The following NLRC3 variants were observed in gnomAD, a reference collection of about 807,000 sequenced individuals.
NLRC3 encodes the protein NLR family CARD domain containing 3, also known as NLR family CARD domain-containing protein 3.
NLRC3 carries 87 observed loss-of-function variants against 91.6 expected under a neutral mutation model. The ratio of observed to expected loss-of-function variants is 0.95; its 90% CI spans 0.80 to 1.14. The LOEUF is 1.14. NLRC3 is among the 50% of genes most tolerant of loss of function. The pLI is 0.00. For synonymous variants in NLRC3, 694 were observed against 625.3 expected, an observed-to-expected ratio of 1.11 and a Z score of -1.64; for missense variants, 1,577 against 1,418.6, an observed-to-expected ratio of 1.11 and a Z score of -1.79.
intron 18 of NLRC3, 59 bp from the exon 19 acceptor site, chr16:3,542,333 G>T: frequency 9.3e-7 from 1 of 1,070,872 alleles, no homozygotes. Context: ...GAAAACACCC[G>T]GGGAAGCAAC....
rs1414980981 is a variant in NLRC3, at chr16:3,540,616, A to G, written c.*1209T>C. 1 of 152,156 alleles carries G rather than the reference A, an allele frequency of 6.6e-6. No homozygotes were observed. Among genetic ancestry groups the G allele is most frequent in the African/African-American group, 2.4e-5 (1 of 41,406 alleles). 9.4% of individuals were successfully genotyped at this position (152,156 alleles called of 1,614,324 possible). A position where few individuals can be genotyped will look rare whatever the true frequency, so the allele number is the denominator to read the frequency against. The stretch of plus-strand genomic sequence containing the variant: ...TCAGGAGTTAAAGACCAGCCTGATC[A>G]ACATGGTGAAACCCCATCTCTACTA... On this transcript the variant is annotated 3_prime_UTR_variant, in exon 20 of 20. Coordinates refer to ENST00000359128, the MANE Select transcript of NLRC3 (RefSeq NM_178844.4).
At position 3,544,333 on chromosome 16, in the gene NLRC3, GAC is replaced by G. The variant is rs574508264; in HGVS notation, c.2772-6_2772-5del. On this transcript the variant is annotated splice_polypyrimidine_tract_variant and splice_region_variant and intron_variant, in intron 15 of 19. Coordinates refer to ENST00000359128, the MANE Select transcript of NLRC3 (RefSeq NM_178844.4). Reference sequence around the variant, plus strand: ...CCCGATGGCGTTCTCCTGTAAACTAGACACAGAGTATGACCCCTTTGGGTGCA... The same window carrying G: ...CCCGATGGCGTTCTCCTGTAAACTAGACAGAGTATGACCCCTTTGGGTGCA... The G allele has an allele frequency of 5.8e-4, 928 of 1,609,664 alleles. 6 individuals carry two copies. The African/African-American group carries it at 0.011, about 19-fold the overall frequency.
rs1567147375 is a variant in NLRC3 at position 3,564,348 on chromosome 16, C to G, written c.589G>C (p.Val197Leu). 6.2e-7 allele frequency: 1 copy of G among 1,612,076 alleles called. No homozygotes were observed. Among genetic ancestry groups the G allele is most frequent in the Non-Finnish European group, 8.5e-7 (1 of 1,179,734 alleles). ...CTGGGCTCCCCGACGTGCGGGAAGA[C>G]CGAGCAGATGAGTCGGTCGGCACAC... ...KLCADRLICS[V>L]FPHVGEPSLA... Residue 197 changes from valine to leucine, a missense_variant, in exon 5 of 20, where the codon GTC (valine) becomes CTC (leucine). Physicochemically the swap from Val to Leu is conservative, Grantham distance 32. Transcript: ENST00000359128. This position sits in a 1 kb window ranked among gnomAD's most constrained non-coding sequence, Gnocchi z 5.9.
chr16:3,577,290 G>A lies in NLRC3; in HGVS notation c.-310C>T, dbSNP rs2040343371. 8 of 685,200 alleles carry A rather than the reference G, an allele frequency of 1.2e-5. No homozygotes were observed. The highest frequency in any genetic ancestry group is 1.9e-5 in the Non-Finnish European group (7 of 375,406). 42.4% of individuals were successfully genotyped at this position (685,200 alleles called of 1,614,324 possible). Reference sequence around the variant, plus strand: ...TCCCTGTGCCAGCCTGAGTTCTCAGGACCAGGGATCAGGGCACTTACCACG... The same window carrying A: ...TCCCTGTGCCAGCCTGAGTTCTCAGAACCAGGGATCAGGGCACTTACCACG... On this transcript the variant is annotated 5_prime_UTR_variant, in exon 1 of 20. Transcript: ENST00000359128.
At chr16:3,556,567 C>T (rs1056326811) in intron 8 of NLRC3, among the ~76,000 whole-genome samples, 4 of 151,762 alleles carry the variant, frequency 2.6e-5, no homozygotes, top group East Asian at 1.9e-4. Context: ...TGTAGTGGCG[C>T]GATCTCAACT....
In NLRC3 at chr16:3,564,227, G is replaced by C; in HGVS notation, c.710C>G (p.Thr237Arg). 6.2e-7 allele frequency: 1 copy of C among 1,613,140 alleles called. No individual in the cohort carries two copies. The highest frequency in any genetic ancestry group is 8.5e-7 in the Non-Finnish European group (1 of 1,179,842). ...PLDFSNTVACTDPKKEIPVDH... is the reference protein window; with the variant it reads ...PLDFSNTVACRDPKKEIPVDH... ...CACCGGGATCTCCTTCTTTGGGTCC[G>C]TGCAGGCCACGGTGTTGGAGAAGTC... Residue 237 changes from threonine (T) to arginine (R), a missense_variant, in exon 5 of 20, where the codon ACG becomes AGG. Coordinates refer to ENST00000359128, the MANE Select transcript of NLRC3 (RefSeq NM_178844.4). The surrounding 1 kb of genome is among the most constrained non-coding windows in gnomAD (Gnocchi z 5.9).
At position 3,539,098 on chromosome 16, in the gene NLRC3, G is replaced by T. The variant is rs2038299891; in HGVS notation, c.*2727C>A. 1 of 152,208 alleles carries T rather than the reference G, an allele frequency of 6.6e-6. No individual in the cohort carries two copies. The highest frequency in any genetic ancestry group is 2.4e-5 in the African/African-American group (1 of 41,444). The allele number at this position is 152,208 out of a possible 1,614,324, so 9.4% of individuals were successfully genotyped here. ...AACAAAGTCCTCGGACTTCTGATGG[G>T]AAATCTGAACTGCTGTTTCTCTTTT... On this transcript the variant is annotated 3_prime_UTR_variant, in exon 20 of 20. Coordinates refer to ENST00000359128, the MANE Select transcript of NLRC3 (RefSeq NM_178844.4).
intron 17 of NLRC3, 53 bp from the exon 18 acceptor site, chr16:3,542,828 C>T: frequency 7.9e-7 from 1 of 1,260,532 alleles, no homozygotes; most frequent in Non-Finnish European, 1.1e-6. Flanking sequence ...AGAGGTGATA[C>T]TGACCCCTCT....
chr16:3,550,722 G>A (rs897576899), intron 10 of NLRC3, among the ~76,000 whole-genome samples: 1 of 152,152 alleles, frequency 6.6e-6, no homozygotes, highest in Non-Finnish European at 1.5e-5. Context: ...TGACTCCCTG[G>A]CAAGAAGGGT....
At chr16:3,576,467 G>A (rs1198586401) in intron 1 of NLRC3, among the ~76,000 whole-genome samples, 1 of 152,152 alleles carries the variant, frequency 6.6e-6, no homozygotes, top group Non-Finnish European at 1.5e-5. Flanking sequence ...CCCATGGGGG[G>A]TCCCAGTGCC....
chr16:3,565,529 T>C (rs2039843803), intron 2 of NLRC3, 149 bp from the exon 3 acceptor site: 1 of 321,586 alleles, frequency 3.1e-6, no homozygotes, highest in Non-Finnish European at 5.9e-6. Context: ...GACGCTACAC[T>C]GTGTGATTCT....
chr16:3,569,386 ATATATATATTATTT>A (rs2040006900), intron 1 of NLRC3, among the ~76,000 whole-genome samples: 1 of 105,368 alleles, frequency 9.5e-6, no homozygotes, highest in Admixed American at 1.1e-4. Flanking sequence ...ATATATATAT[ATATATATATTATTT>A]TTTTTTTTTT....
At chr16:3,551,421 C>G (rs1596452850) in intron 10 of NLRC3, among the ~76,000 whole-genome samples, 1 of 151,304 alleles carries the variant, frequency 6.6e-6, no homozygotes, top group African/African-American at 2.4e-5. Flanking sequence ...CATCTATTCA[C>G]CCATTCAACC....
At position 3,564,092 on chromosome 16, in the gene NLRC3, C is replaced by T. The variant is rs201734632; in HGVS notation, c.845G>A (p.Arg282Gln). The T allele has an allele frequency of 1.5e-4, 248 of 1,613,562 alleles. No homozygotes were observed. The Middle Eastern group carries it at 2.0e-3, about 13-fold the overall frequency. Residue 282 changes from arginine to glutamine, a missense_variant, in exon 5 of 20, where the codon CGG becomes CAG. By Grantham distance (43) the Arg-to-Gln change is conservative (BLOSUM62 1). Transcript: ENST00000359128. This position sits in a 1 kb window ranked among gnomAD's most constrained non-coding sequence, Gnocchi z 5.9. ...GTTAAAGCCCCGGATCTCCGTCATC[C>T]GGTCCACCAGGCCCCCTGGGATCTG... ...SGQIPGGLVDRMTEIRGFNEE... is the reference protein window; with the variant it reads ...SGQIPGGLVDQMTEIRGFNEE...
chr16:3,549,977 A>C (rs192174748), intron 11 of NLRC3, among the ~76,000 whole-genome samples, 197 bp from the exon 12 acceptor site: 1 of 152,200 alleles, frequency 6.6e-6, no homozygotes, highest in East Asian at 1.9e-4. Flanking sequence ...AGGTCAGGGC[A>C]GGTGGGTTCA....
chr16:3,541,410 T>G lies in NLRC3; in HGVS notation c.*415A>C, dbSNP rs60782450. 0.017 allele frequency: 2,871 copies of G among 164,604 alleles called. 94 individuals carry two copies. Among genetic ancestry groups the G allele is most frequent in the African/African-American group, 0.06 (2,525 of 41,938 alleles). 10.2% of individuals were successfully genotyped at this position (164,604 alleles called of 1,614,324 possible). A position where few individuals can be genotyped will look rare whatever the true frequency, so the allele number is the denominator to read the frequency against. On this transcript the variant is annotated 3_prime_UTR_variant, in exon 20 of 20. Transcript: ENST00000359128. ...ACCAAACGGATGCTCCTCACGGGCT[T>G]GAGGTGGCAGCTCATCTCAGAGCAT...
At chr16:3,552,809 A>G (rs1408593418) in intron 9 of NLRC3, among the ~76,000 whole-genome samples, 1 of 152,164 alleles carries the variant, frequency 6.6e-6, no homozygotes, top group Non-Finnish European at 1.5e-5. Context: ...GCGTGGTGGC[A>G]TACACCTGTA....
intron 9 of NLRC3, among the ~76,000 whole-genome samples, chr16:3,553,455 A>G (rs925347384): frequency 1.6e-4 from 24 of 152,224 alleles, no homozygotes; most frequent in African/African-American, 4.6e-4. Context: ...TTTGGATAAA[A>G]GCAATTAGGG....
At position 3,575,561 on chromosome 16, in the gene NLRC3, G is replaced by A. The variant is rs773081072; in HGVS notation, c.-169+1588C>T. ...TAGGTGCCACTGCTGCCTCCTCCCCGGGAGCCTCCCAGGTAGCACCAGGTT... is the reference window on the plus strand; with the variant it reads ...TAGGTGCCACTGCTGCCTCCTCCCCAGGAGCCTCCCAGGTAGCACCAGGTT... On this transcript the variant is annotated intron_variant, in intron 1 of 19. Coordinates refer to ENST00000359128, the MANE Select transcript of NLRC3 (RefSeq NM_178844.4). Among the ~76,000 whole-genome samples the A allele has an allele frequency of 2.6e-5, 4 of 152,160 alleles. No individual in the cohort carries two copies. In the East Asian group the frequency reaches 7.7e-4, roughly 29 times the overall value.
Sources: gnomAD v4.1 joint callset for allele counts (sites outside exome capture counted in the v4.1 genomes callset) on GRCh38, gnomAD v4.1.1 for gene constraint, Gnocchi (gnomAD v3.1) non-coding constraint, MANE v1.5 for transcripts, NCBI Gene and HGNC (gene_info 2026-07-23, HGNC 2026-07-21) for gene names.